The following ADARB2 variants were observed in gnomAD, a reference collection of about 807,000 sequenced individuals.
ADARB2 encodes inactive double-stranded RNA-specific editase B2.
In ADARB2, 25 loss-of-function variants were observed where a neutral mutation model predicts 62.2. The ratio of observed to expected loss-of-function variants is 0.40; its 90% confidence interval spans 0.29 to 0.56. The LOEUF (loss-of-function observed/expected upper bound fraction) is 0.56. ADARB2 is among the 20% of genes least tolerant of loss of function. The probability of loss-of-function intolerance (pLI) is 0.43; values close to 1 mark genes in which losing one functional copy is unlikely to be tolerated. For missense variants in ADARB2, 1,071 were observed against 1,077.4 expected (o/e 0.99, Z 0.08); for synonymous variants, 572 against 500.8 (o/e 1.14, Z -1.90).
intron 7 of ADARB2, among the ~76,000 whole-genome samples, chr10:1,214,298 AGGTTTGCACCTGTACCCAGCGTCACGTG>A: frequency 7.1e-6 from 1 of 141,518 alleles, no homozygotes; most frequent in African/African-American, 2.7e-5. Flanking sequence ...GGCGTTGTGT[AGGTTTGCACCTGTACCCAGCGTCACGTG>A]GGTTTGCACC....
At chr10:1,668,508 C>A (rs905437621) in intron 1 of ADARB2, among the ~76,000 whole-genome samples, 3 of 152,138 alleles carry the variant, frequency 2.0e-5, no homozygotes, top group African/African-American at 7.2e-5. Context: ...AGTCCCAGGG[C>A]ATGCAAATGA....
intron 3 of ADARB2, among the ~76,000 whole-genome samples, chr10:1,321,916 G>A (rs1831799331): frequency 6.6e-6 from 1 of 151,950 alleles, no homozygotes; most frequent in Non-Finnish European, 1.5e-5. Flanking sequence ...AAGGGAGCAT[G>A]AATGAGAAGG....
At chr10:1,326,377 A>C (rs1030963037) in intron 3 of ADARB2, among the ~76,000 whole-genome samples, 19 of 152,210 alleles carry the variant, frequency 1.2e-4, no homozygotes, top group African/African-American at 4.1e-4. Flanking sequence ...GTAACTGCTG[A>C]ACTATCTGAA....
chr10:1,323,540 A>T (rs1052812380), intron 3 of ADARB2, among the ~76,000 whole-genome samples: 13 of 152,230 alleles, frequency 8.5e-5, no homozygotes, highest in Admixed American at 3.3e-4. Context: ...AAAGGAGAAT[A>T]AAGTGGAAGG....
intron 3 of ADARB2, among the ~76,000 whole-genome samples, chr10:1,286,335 C>A (rs995909209): frequency 1.3e-5 from 2 of 152,102 alleles, no homozygotes; most frequent in Admixed American, 1.3e-4. Context: ...TCTTCATATC[C>A]CTTTGTGTTT....
chr10:1,488,549 G>A (rs1389121176), intron 1 of ADARB2, among the ~76,000 whole-genome samples: 1 of 152,204 alleles, frequency 6.6e-6, no homozygotes, highest in Non-Finnish European at 1.5e-5. Context: ...ACCAAAGAAT[G>A]GGCTGTGCTG....
At chr10:1,735,843 TG>T (rs1758884443) in intron 1 of ADARB2, among the ~76,000 whole-genome samples, 1 of 152,238 alleles carries the variant, frequency 6.6e-6, no homozygotes, top group Non-Finnish European at 1.5e-5. Flanking sequence ...CATTTATGCC[TG>T]CTGACTGTCT....
intron 1 of ADARB2, among the ~76,000 whole-genome samples, chr10:1,427,388 G>A (rs931945381): frequency 3.0e-4 from 46 of 152,270 alleles, no homozygotes; most frequent in African/African-American, 1.1e-3. Context: ...TAACAAAGTC[G>A]GCAATACCAT....
intron 1 of ADARB2, among the ~76,000 whole-genome samples, chr10:1,711,795 C>T (rs186464683): frequency 5.3e-4 from 80 of 152,334 alleles, no homozygotes; most frequent in Non-Finnish European, 1.1e-3. Context: ...TTTACATGCA[C>T]AGCTTCCTCC....
At chr10:1,205,799 C>T (rs115404930) in intron 7 of ADARB2, among the ~76,000 whole-genome samples, 4 of 152,232 alleles carry the variant, frequency 2.6e-5, no homozygotes, top group Non-Finnish European at 4.4e-5. Context: ...CGGGATGGAC[C>T]GAGACTGGGT....
chr10:1,475,423 A>G (rs986423972), intron 1 of ADARB2, among the ~76,000 whole-genome samples: 1 of 152,216 alleles, frequency 6.6e-6, no homozygotes, highest in African/African-American at 2.4e-5. Flanking sequence ...CCTGAGCAGC[A>G]CATTACCCAT....
chr10:1,451,976 G>A lies in ADARB2; in HGVS notation c.101-72816C>T, dbSNP rs184201653. Among the ~76,000 whole-genome samples the A allele has an allele frequency of 6.6e-5, 10 of 152,316 alleles. No homozygotes were observed. The East Asian group carries it at 1.9e-3, about 29-fold the overall frequency. On this transcript the variant is annotated intron_variant, in intron 1 of 9. Coordinates refer to ENST00000381312, the MANE Select transcript of ADARB2 (RefSeq NM_018702.4). ...TTTAGAGAGGTCACAGGACATCTCA[G>A]TGGCTTGTTAAAGGACAGCCTTATG...
intron 1 of ADARB2, among the ~76,000 whole-genome samples, chr10:1,681,619 C>T (rs927673106): frequency 6.6e-5 from 10 of 152,114 alleles, no homozygotes; most frequent in South Asian, 2.1e-4. Flanking sequence ...ATGAGGTGAT[C>T]GCAGGGCATG....
At chr10:1,464,245 C>T (rs113114428) in intron 1 of ADARB2, among the ~76,000 whole-genome samples, 4,408 of 60,634 alleles carry the variant, frequency 0.073, 398 homozygotes, top group South Asian at 0.16. Flanking sequence ...GCGGGCAGTG[C>T]GCCGGAGAAG....
At chr10:1,714,765 G>A (rs1834995233) in intron 1 of ADARB2, among the ~76,000 whole-genome samples, 1 of 152,200 alleles carries the variant, frequency 6.6e-6, no homozygotes, top group Non-Finnish European at 1.5e-5. Context: ...ACCCAGGGGT[G>A]TATTTTATAG....
chr10:1,335,359 G>A (rs1298910283), intron 3 of ADARB2, among the ~76,000 whole-genome samples: 6 of 151,308 alleles, frequency 4.0e-5, no homozygotes, highest in African/African-American at 1.5e-4. Flanking sequence ...TGAAGGGAAG[G>A]CTGGAAGGAG....
chr10:1,631,636 G>C (rs1157018719), intron 1 of ADARB2, among the ~76,000 whole-genome samples: 1 of 152,176 alleles, frequency 6.6e-6, no homozygotes, highest in East Asian at 1.9e-4. Flanking sequence ...AATGGGTCTG[G>C]TGATTTGATG....
intron 1 of ADARB2, among the ~76,000 whole-genome samples, chr10:1,657,828 CTCTCTA>C (rs1457533373): frequency 1.1e-4 from 16 of 152,192 alleles, no homozygotes; most frequent in African/African-American, 3.9e-4. Flanking sequence ...CTGTCTCTCC[CTCTCTA>C]TCTCTGTCTC....
intron 1 of ADARB2, among the ~76,000 whole-genome samples, chr10:1,552,820 C>T (rs1014488562): frequency 2.6e-5 from 4 of 152,196 alleles, no homozygotes; most frequent in Non-Finnish European, 5.9e-5. Flanking sequence ...TCACCCCTGG[C>T]GGAAATGGAA....
Sources: gnomAD v4.1 joint callset for allele counts (sites outside exome capture counted in the v4.1 genomes callset) on GRCh38, gnomAD v4.1.1 for gene constraint, MANE v1.5 for transcripts, NCBI Gene and HGNC (gene_info 2026-07-23, HGNC 2026-07-21) for gene names.